ASPSCR1: variants seen among roughly 807,000 people sequenced by gnomAD.
The protein encoded by ASPSCR1 is ASPSCR1 tether for SLC2A4, UBX domain containing, also known as tether containing UBX domain for GLUT4.
ASPSCR1 carries 55 observed loss-of-function variants against 68.9 expected under a neutral mutation model. The ratio of observed to expected loss-of-function variants is 0.80; its 90% CI spans 0.64 to 1.00. The LOEUF is 1.00. ASPSCR1 is among the 50% of genes least tolerant of loss of function. The pLI is 0.00. For missense variants in ASPSCR1, 765 were observed against 762.2 expected, an observed-to-expected ratio of 1.00 and a Z score of -0.04; for synonymous variants, 352 against 332.6, an observed-to-expected ratio of 1.06 and a Z score of -0.63.
chr17:81,988,771 C>T (rs763953681), intron 4 of ASPSCR1, among the ~76,000 whole-genome samples: 8 of 152,064 alleles, frequency 5.3e-5, no homozygotes, highest in East Asian at 1.9e-4. Context: ...GTGGGTGTTG[C>T]GGGGCATCTG....
intron 1 of ASPSCR1, chr17:81,978,338 C>T (rs1272515460): frequency 6.6e-6 from 1 of 152,066 alleles, no homozygotes; most frequent in Non-Finnish European, 1.5e-5. Context: ...CTGGCTAAAA[C>T]GGTGAAACCC....
chr17:81,979,142 C>G lies in ASPSCR1; in HGVS notation c.103-42C>G, dbSNP rs1288790151. ...ACCTGGCCCACTGCGCCCGCCAGCC[C>G]TGCACACTCAGCAGTTCACCATCCT... On this transcript the variant is annotated intron_variant, in intron 1 of 15. Transcript: ENST00000306739. 6 of 1,610,232 alleles carry G rather than the reference C, an allele frequency of 3.7e-6. No individual in the cohort carries two copies. In the South Asian group the frequency reaches 5.5e-5, roughly 15 times the overall value.
Position 82,009,564 on chromosome 17 carries a change from A to G in ASPSCR1, c.1167A>G (p.Pro389=), listed in dbSNP as rs750499412. 2.5e-6 allele frequency: 3 copies of G among 1,196,638 alleles called. No homozygotes were observed. The highest frequency in any genetic ancestry group is 3.2e-6 in the Non-Finnish European group (3 of 939,988). The allele number at this position is 1,196,638 out of a possible 1,614,324, so 74.1% of individuals were successfully genotyped here. A position where few individuals can be genotyped will look rare whatever the true frequency, so the allele number is the denominator to read the frequency against. The change falls in exon 9 of 16, where the codon CCA becomes CCG. Residue 389 remains proline, a synonymous_variant. Transcript: ENST00000306739. ...TAAAGGAGAAGCTGGAGCGCTACCC[A>G]AAGGTCTGCAGACAGGATGTGGGGG... The part of the protein sequence containing the change: ...AQIKEKLERY[P]KVALRVLFPD...
rs1191712160 is a variant in ASPSCR1 at position 82,016,340 on chromosome 17, A to ATGGGCTCATGGGGGCC, written c.1354-135_1354-120dup. On this transcript the variant is annotated intron_variant, in intron 12 of 15. Coordinates refer to ENST00000306739, the MANE Select transcript of ASPSCR1 (RefSeq NM_024083.4). ...CTGGTGTCAGACAGGAAGCTGGGCG[A>ATGGGCTCATGGGGGCC]TGGGCTCATGGGGGCCGGGCAGGCA... The ATGGGCTCATGGGGGCC allele has an allele frequency of 1.8e-5, 14 of 761,140 alleles. No individual in the cohort carries two copies. In the African/African-American group the frequency reaches 2.5e-4, roughly 13 times the overall value. 47.1% of individuals were successfully genotyped at this position (761,140 alleles called of 1,614,324 possible). A position where few individuals can be genotyped will look rare whatever the true frequency, so the allele number is the denominator to read the frequency against.
At chr17:81,982,833 C>G (rs1034252225) in intron 2 of ASPSCR1, among the ~76,000 whole-genome samples, 1 of 145,674 alleles carries the variant, frequency 6.9e-6, no homozygotes, top group Non-Finnish European at 1.5e-5. Context: ...TTTTTTCTTT[C>G]ACAGAGTTTT....
At chr17:82,005,798 C>A (rs888504416) in intron 7 of ASPSCR1, 2 of 152,240 alleles carry the variant, frequency 1.3e-5, no homozygotes, top group African/African-American at 4.8e-5. Flanking sequence ...CAGCCCCTGT[C>A]GGGATGTGGG....
At chr17:82,016,752 A>G in intron 13 of ASPSCR1, 48 bp from the exon 14 acceptor site, 2 of 1,581,950 alleles carry the variant, frequency 1.3e-6, no homozygotes, top group South Asian at 1.1e-5. Context: ...GTGGATGGTG[A>G]GTGGACCCCT....
At chr17:82,010,723 G>A (rs1289203045) in intron 9 of ASPSCR1, 79 bp from the exon 10 acceptor site, 1 of 1,472,168 alleles carries the variant, frequency 6.8e-7, no homozygotes, top group African/African-American at 1.4e-5. Context: ...GGCCCAGCAT[G>A]GGCCGAGTGG....
intron 7 of ASPSCR1, among the ~76,000 whole-genome samples, chr17:82,001,927 C>T (rs568142522): frequency 1.1e-4 from 17 of 152,000 alleles, no homozygotes; most frequent in South Asian, 8.3e-4. Flanking sequence ...CAGCTCCAGA[C>T]GGGCTCATGG....
intron 7 of ASPSCR1, among the ~76,000 whole-genome samples, chr17:81,998,082 C>G (rs542556582): frequency 6.6e-6 from 1 of 152,164 alleles, no homozygotes; most frequent in East Asian, 1.9e-4. Context: ...CCGCCTCAGC[C>G]TCCCAAAGTG....
intron 4 of ASPSCR1, among the ~76,000 whole-genome samples, chr17:81,992,040 G>A (rs1253155855): frequency 6.6e-6 from 1 of 152,252 alleles, no homozygotes; most frequent in Non-Finnish European, 1.5e-5. Context: ...CCCTGGCCGG[G>A]TGGGGAGCTC....
chr17:81,985,163 CCTG>C (rs1435739662), intron 3 of ASPSCR1, among the ~76,000 whole-genome samples: 10 of 151,210 alleles, frequency 6.6e-5, no homozygotes, highest in African/African-American at 1.7e-4. Context: ...CATGCGCACA[CCTG>C]CACACACCCA....
At chr17:82,010,269 C>T (rs2042880393) in intron 9 of ASPSCR1, among the ~76,000 whole-genome samples, 1 of 150,832 alleles carries the variant, frequency 6.6e-6, no homozygotes, top group Admixed American at 6.6e-5. Flanking sequence ...GTGGCTCACG[C>T]CTGTAATCCC....
chr17:81,999,283 G>C lies in ASPSCR1; in HGVS notation c.933+2437G>C, dbSNP rs1201315986. On this transcript the variant is annotated intron_variant, in intron 7 of 15. Coordinates refer to ENST00000306739, the MANE Select transcript of ASPSCR1 (RefSeq NM_024083.4). This position sits in a 1 kb window ranked among gnomAD's most constrained non-coding sequence, Gnocchi z 4.4. Reference sequence around the variant, plus strand: ...AGCTTCTTGAGCTCCTGCTGACGTAGTGGGCCTGGAAGGCCCCCATGCCTC... The same window carrying C: ...AGCTTCTTGAGCTCCTGCTGACGTACTGGGCCTGGAAGGCCCCCATGCCTC... 6.6e-6 allele frequency among the ~76,000 whole-genome samples: 1 copy of C among 152,200 alleles called. No homozygotes were observed.
At chr17:82,014,685 T>G in intron 12 of ASPSCR1, 1 of 244,628 alleles carries the variant, frequency 4.1e-6, no homozygotes, top group African/African-American at 2.2e-5. Context: ...CTGTTCTCGT[T>G]GGAGGGGGCG....
At chr17:81,981,063 C>G (rs2041779152) in intron 2 of ASPSCR1, among the ~76,000 whole-genome samples, 1 of 152,148 alleles carries the variant, frequency 6.6e-6, no homozygotes, top group African/African-American at 2.4e-5. Flanking sequence ...AAGACTGTGC[C>G]ACGAAAACCC....
intron 2 of ASPSCR1, among the ~76,000 whole-genome samples, chr17:81,979,750 C>T (rs1345865909): frequency 1.3e-5 from 2 of 151,986 alleles, no homozygotes; most frequent in African/African-American, 2.4e-5. Context: ...AAGAGCTGGC[C>T]GTGGAGAAAT....
intron 12 of ASPSCR1, 73 bp downstream of exon 12, chr17:82,012,356 C>T (rs1042550192): frequency 2.8e-5 from 42 of 1,526,304 alleles, no homozygotes; most frequent in African/African-American, 4.1e-5. Flanking sequence ...CGTGAGGCCT[C>T]GGGCAGGAAG....
intron 5 of ASPSCR1, 49 bp downstream of exon 5, chr17:81,994,927 C>A: frequency 6.5e-7 from 1 of 1,550,294 alleles, no homozygotes. Flanking sequence ...TTTCAGCCCA[C>A]TTTCCAACTG....
Sources: gnomAD v4.1 joint callset for allele counts (sites outside exome capture counted in the v4.1 genomes callset) on GRCh38, gnomAD v4.1.1 for gene constraint, Gnocchi (gnomAD v3.1) non-coding constraint, MANE v1.5 for transcripts, NCBI Gene and HGNC (gene_info 2026-07-23, HGNC 2026-07-21) for gene names.